Variants in ARHGEF6 observed in about 807,000 individuals in gnomAD.
ARHGEF6 encodes Rac/Cdc42 guanine nucleotide exchange factor 6.
ARHGEF6 carries 9 observed loss-of-function variants against 70.3 expected under a neutral mutation model. The ratio of observed to expected loss-of-function variants is 0.13; its 90% CI spans 0.08 to 0.22. The LOEUF (loss-of-function observed/expected upper bound fraction) is 0.22. ARHGEF6 is among the 10% of genes least tolerant of loss of function. ARHGEF6 has a pLI of 1.00. For missense variants in ARHGEF6, 470 were observed against 563.0 expected (o/e 0.83, Z 1.67); for synonymous variants, 201 against 207.8 (o/e 0.97, Z 0.28).
chrX:136,747,699 A>AAAAAAAAAAAAT, intron 2 of ARHGEF6, 107 bp from the exon 3 acceptor site: 1 of 544,084 alleles, frequency 1.8e-6, no homozygotes, highest in South Asian at 2.8e-5. Context: ...AAAAAAAAAA[A>AAAAAAAAAAAAT]AAAAAAGTGT....
chrX:136,742,001 G>A (rs12394443), intron 5 of ARHGEF6, among the ~76,000 whole-genome samples: 1,345 of 111,471 alleles, frequency 0.012, 22 homozygotes, highest in African/African-American at 0.042. Flanking sequence ...ATGGGGGCTC[G>A]GTGCCCTTAA....
intron 6 of ARHGEF6, among the ~76,000 whole-genome samples, chrX:136,727,309 T>G (rs750089183): frequency 3.6e-4 from 20 of 55,277 alleles, no homozygotes; most frequent in East Asian, 2.6e-3. Flanking sequence ...TCTGTAGTCT[T>G]TCTTTCTTTC....
intron 2 of ARHGEF6, chrX:136,767,563 C>A (rs1047470385): frequency 1.3e-5 from 10 of 753,344 alleles, no homozygotes; most frequent in Non-Finnish European, 1.4e-5. Flanking sequence ...CGGGGCCGAA[C>A]TGGGGGTGCC....
intron 19 of ARHGEF6, among the ~76,000 whole-genome samples, chrX:136,673,714 A>T (rs1391691995): frequency 9.0e-6 from 1 of 111,123 alleles, no homozygotes; most frequent in African/African-American, 3.3e-5. Context: ...TATCAGAGCT[A>T]TGCATGCCCA....
At chrX:136,779,554 A>G (rs2077431337) in intron 1 of ARHGEF6, 57 bp from the exon 2 acceptor site, 46 of 1,040,172 alleles carry the variant, frequency 4.4e-5, no homozygotes, top group Non-Finnish European at 6.1e-5. Context: ...CAAGCAAAGT[A>G]TACTCATCAT....
At chrX:136,668,212 C>G (rs771481829) in intron 21 of ARHGEF6, 43 bp from the exon 22 acceptor site, 3 of 1,203,034 alleles carry the variant, frequency 2.5e-6, no homozygotes, top group Admixed American at 4.4e-5. Flanking sequence ...CAGAGGGGGG[C>G]CCTTCCAAGG....
intron 6 of ARHGEF6, among the ~76,000 whole-genome samples, chrX:136,729,776 G>C (rs1162559901): frequency 9.2e-6 from 1 of 108,933 alleles, no homozygotes; most frequent in East Asian, 2.8e-4. Flanking sequence ...GTTGCAGTGA[G>C]CTGAGATCGT....
chrX:136,727,400 TCTC>T (rs2076876534), intron 6 of ARHGEF6, among the ~76,000 whole-genome samples: 1 of 92,503 alleles, frequency 1.1e-5, no homozygotes, highest in Non-Finnish European at 2.1e-5. Context: ...TTTCTTTCTC[TCTC>T]TCTCTCTCTC....
chrX:136,752,104 G>A (rs1284333580), intron 2 of ARHGEF6, among the ~76,000 whole-genome samples: 1 of 112,310 alleles, frequency 8.9e-6, no homozygotes, highest in Non-Finnish European at 1.9e-5. Context: ...CCATGAGTCT[G>A]TATGCGAAAA....
intron 9 of ARHGEF6, among the ~76,000 whole-genome samples, chrX:136,703,292 C>T (rs5975780): frequency 0.57 from 63,196 of 110,363 alleles, 14,919 homozygotes; most frequent in African/African-American, 0.92. Context: ...ATCAAGAAAC[C>T]GAAAACACAA....
intron 6 of ARHGEF6, among the ~76,000 whole-genome samples, chrX:136,713,591 C>T (rs758695640): frequency 2.7e-5 from 3 of 111,946 alleles, no homozygotes; most frequent in Middle Eastern, 4.6e-3. Flanking sequence ...CATATGAATA[C>T]AATTTTTCAG....
At chrX:136,688,877 C>T (rs1340939873) in intron 10 of ARHGEF6, among the ~76,000 whole-genome samples, 1 of 111,639 alleles carries the variant, frequency 9.0e-6, no homozygotes, top group Non-Finnish European at 1.9e-5. Flanking sequence ...GATTCAAAAA[C>T]GGCTTAGAGG....
At chrX:136,678,081 A>G in intron 16 of ARHGEF6, 125 bp from the exon 17 acceptor site, 1 of 618,596 alleles carries the variant, frequency 1.6e-6, no homozygotes, top group East Asian at 3.3e-5. Flanking sequence ...AATTACACAG[A>G]GGGAATATAA....
chrX:136,773,227 T>A (rs2077376415), intron 2 of ARHGEF6, among the ~76,000 whole-genome samples: 1 of 112,119 alleles, frequency 8.9e-6, no homozygotes, highest in Non-Finnish European at 1.9e-5. Context: ...AGATAAATAA[T>A]ATTGTGTTCT....
chrX:136,699,685 A>G (rs1272407680), intron 9 of ARHGEF6, among the ~76,000 whole-genome samples: 1 of 111,451 alleles, frequency 9.0e-6, no homozygotes, highest in African/African-American at 3.3e-5. Flanking sequence ...GAACACTTGC[A>G]TAGTGATTTT....
At chrX:136,723,552 G>A (rs1229928877) in intron 6 of ARHGEF6, among the ~76,000 whole-genome samples, 1 of 111,760 alleles carries the variant, frequency 8.9e-6, no homozygotes, top group African/African-American at 3.3e-5. Context: ...GGAGAGAAAT[G>A]CACTAGAATT....
In ARHGEF6 at chrX:136,686,586, ATG is replaced by A. The variant is rs201537752; in HGVS notation, c.1246-765_1246-764del. 8.1e-3 allele frequency among the ~76,000 whole-genome samples: 572 copies of A among 70,316 alleles called. 18 individuals carry two copies. The highest frequency in any genetic ancestry group is 0.039 in the Admixed American group (239 of 6,183). 61.1% of individuals were successfully genotyped at this position (70,316 alleles called of 115,157 possible). A position where few individuals can be genotyped will look rare whatever the true frequency, so the allele number is the denominator to read the frequency against. On this transcript the variant is annotated intron_variant, in intron 11 of 21. Transcript: ENST00000250617. Reference sequence around the variant, plus strand: ...ACTCTTTCTATATATATGTGTGTGTATGTGTGTGTATATATATATATATATAT... The same window carrying A: ...ACTCTTTCTATATATATGTGTGTGTATGTGTGTATATATATATATATATAT...
chrX:136,777,757 T>TACACACACAC (rs1374390161), intron 2 of ARHGEF6, among the ~76,000 whole-genome samples: 7 of 39,573 alleles, frequency 1.8e-4, no homozygotes, highest in Non-Finnish European at 4.5e-4. Flanking sequence ...ATAATATGTA[T>TACACACACAC]ACATACACAC....
intron 6 of ARHGEF6, among the ~76,000 whole-genome samples, chrX:136,729,221 G>A (rs766072230): frequency 1.0e-4 from 11 of 106,083 alleles, no homozygotes; most frequent in Non-Finnish European, 1.7e-4. Context: ...TAATCCCAGC[G>A]CTTTGGGAAG....
Sources: allele counts gnomAD v4.1 joint callset (sites outside exome capture counted in the v4.1 genomes callset), GRCh38; gene constraint gnomAD v4.1.1; transcripts MANE v1.5; gene names NCBI Gene and HGNC (gene_info 2026-07-23, HGNC 2026-07-21).